Variants in ACTN4 observed in about 807,000 individuals in gnomAD.
ACTN4 encodes the protein alpha-actinin-4.
In ACTN4, 18 loss-of-function variants were observed where a neutral mutation model predicts 114.2. The ratio of observed to expected loss-of-function variants is 0.16; its 90% CI spans 0.11 to 0.23. The LOEUF is 0.23. Ranked by LOEUF, ACTN4 falls within the 10% of genes least tolerant of loss-of-function variation. The pLI is 1.00. For missense variants in ACTN4, 722 were observed against 1,262.9 expected (o/e 0.57, Z 6.49); for synonymous variants, 515 against 506.3 (o/e 1.02, Z -0.23).
At chr19:38,722,823 C>G (rs930533760) in intron 12 of ACTN4, among the ~76,000 whole-genome samples, 1 of 152,136 alleles carries the variant, frequency 6.6e-6, no homozygotes, top group Non-Finnish European at 1.5e-5. Context: ...CTGGGCAAAG[C>G]TATGTGAAAC....
intron 1 of ACTN4, among the ~76,000 whole-genome samples, chr19:38,651,160 C>CA (rs1412906328): frequency 1.3e-5 from 2 of 152,044 alleles, no homozygotes; most frequent in African/African-American, 2.4e-5. Context: ...ATGCATACTC[C>CA]AAAAAAATAT....
chr19:38,714,574 C>T lies in ACTN4; in HGVS notation c.912+13C>T, dbSNP rs768303048. ...GCTGGCCAGCGACGTGAGTGTTCCC[C>T]CAGTGAAAGTCAGGGCCACCTCATT... On this transcript the variant is annotated intron_variant, in intron 9 of 20. Transcript: ENST00000252699. The T allele has an allele frequency of 6.2e-7, 1 of 1,613,514 alleles. No homozygotes were observed. The highest frequency in any genetic ancestry group is 1.3e-5 in the African/African-American group (1 of 75,050).
At chr19:38,705,370 G>C (rs1454500766) in intron 4 of ACTN4, among the ~76,000 whole-genome samples, 1 of 152,202 alleles carries the variant, frequency 6.6e-6, no homozygotes, top group South Asian at 2.1e-4. Context: ...CTGGTTCTCT[G>C]TCTGCTTGAC....
At chr19:38,728,413 CCTCCTCCT>C in intron 19 of ACTN4, 1 of 592,020 alleles carries the variant, frequency 1.7e-6, no homozygotes. Context: ...GCCACCCGCT[CCTCCTCCT>C]CCTCCTCCTC....
intron 1 of ACTN4, among the ~76,000 whole-genome samples, chr19:38,649,784 G>C (rs1350349795): frequency 6.6e-6 from 1 of 152,172 alleles, no homozygotes; most frequent in Non-Finnish European, 1.5e-5. Context: ...GAGGGGAAAG[G>C]GTGGGAAGGG....
At chr19:38,728,908 T>C in intron 19 of ACTN4, 88 bp from the exon 20 acceptor site, 1 of 1,552,530 alleles carries the variant, frequency 6.4e-7, no homozygotes, top group South Asian at 1.1e-5. Context: ...CTCTCTCGGC[T>C]GTTTCCCTGG....
intron 5 of ACTN4, 32 bp from the exon 6 acceptor site, chr19:38,708,085 C>T: frequency 6.2e-7 from 1 of 1,609,468 alleles, no homozygotes; most frequent in Non-Finnish European, 8.5e-7. Context: ...AGTGAGCGGG[C>T]CCTCCTATAA....
rs1225460335 is a variant in ACTN4, at chr19:38,673,603, AT to A, written c.162+25697del. On this transcript the variant is annotated intron_variant, in intron 1 of 20. Coordinates refer to ENST00000252699, the MANE Select transcript of ACTN4 (RefSeq NM_004924.6). Reference sequence around the variant, plus strand: ...CATATATATTTATATATATTCATATATATTCATTTATATTTATATATATTCA... The same window carrying A: ...CATATATATTTATATATATTCATATAATTCATTTATATTTATATATATTCA... 1.6e-3 allele frequency among the ~76,000 whole-genome samples: 153 copies of A among 96,544 alleles called. 1 individual carries two copies. Among genetic ancestry groups the A allele is most frequent in the South Asian group, 8.0e-3 (27 of 3,358 alleles). 63.3% of individuals were successfully genotyped at this position (96,544 alleles called of 152,430 possible).
intron 11 of ACTN4, among the ~76,000 whole-genome samples, 192 bp from the exon 12 acceptor site, chr19:38,721,346 A>G (rs559966227): frequency 5.3e-5 from 8 of 152,348 alleles, no homozygotes; most frequent in Middle Eastern, 3.4e-3. Context: ...AGGTCCATCC[A>G]GGTTACAGTT....
At chr19:38,682,594 A>T (rs1197324988) in intron 1 of ACTN4, among the ~76,000 whole-genome samples, 1 of 152,050 alleles carries the variant, frequency 6.6e-6, no homozygotes, top group Non-Finnish European at 1.5e-5. Flanking sequence ...ACCCTCACCC[A>T]AGCCACCACC....
At chr19:38,667,639 G>C (rs1967002232) in intron 1 of ACTN4, among the ~76,000 whole-genome samples, 1 of 151,466 alleles carries the variant, frequency 6.6e-6, no homozygotes, top group African/African-American at 2.4e-5. Context: ...TAGGTGCACG[G>C]TGCCCCATTG....
intron 1 of ACTN4, among the ~76,000 whole-genome samples, chr19:38,671,751 T>A (rs551214010): frequency 6.6e-6 from 1 of 152,188 alleles, no homozygotes; most frequent in Non-Finnish European, 1.5e-5. Context: ...CCACAGTCCT[T>A]ATCAAACTTC....
intron 11 of ACTN4, among the ~76,000 whole-genome samples, chr19:38,718,748 A>G (rs1166555751): frequency 6.6e-6 from 1 of 152,076 alleles, no homozygotes; most frequent in Non-Finnish European, 1.5e-5. Context: ...TTCCCCATCC[A>G]GGGCGAGTGT....
chr19:38,707,302 C>A (rs1356635226), intron 5 of ACTN4, among the ~76,000 whole-genome samples: 1 of 151,974 alleles, frequency 6.6e-6, no homozygotes, highest in African/African-American at 2.4e-5. Flanking sequence ...TACAGTGGCA[C>A]CCAAACAAAG....
intron 1 of ACTN4, among the ~76,000 whole-genome samples, chr19:38,655,431 A>G (rs989108283): frequency 3.9e-5 from 6 of 152,196 alleles, no homozygotes; most frequent in African/African-American, 1.4e-4. Context: ...ATCAAAGGAA[A>G]TAACTTTCTC....
intron 1 of ACTN4, among the ~76,000 whole-genome samples, chr19:38,652,228 A>G (rs932109260): frequency 1.8e-4 from 27 of 152,256 alleles, no homozygotes; most frequent in African/African-American, 6.5e-4. Flanking sequence ...TGTTATCTAG[A>G]AAAAAGACTG....
chr19:38,673,477 A>ATATATT (rs1967206438), intron 1 of ACTN4, among the ~76,000 whole-genome samples: 1 of 57,112 alleles, frequency 1.8e-5, no homozygotes, highest in African/African-American at 4.5e-5. Flanking sequence ...ATATATATTT[A>ATATATT]TATATATATT....
chr19:38,682,775 C>T (rs1404011928), intron 1 of ACTN4, among the ~76,000 whole-genome samples: 4 of 152,180 alleles, frequency 2.6e-5, no homozygotes, highest in Non-Finnish European at 5.9e-5. Flanking sequence ...CTGCTCCAGC[C>T]ACACTCACCA....
At chr19:38,670,514 CCTGGGTGGGGA>C (rs1241507043) in intron 1 of ACTN4, among the ~76,000 whole-genome samples, 2 of 152,058 alleles carry the variant, frequency 1.3e-5, no homozygotes, top group Non-Finnish European at 2.9e-5. Flanking sequence ...AGGGAAGTAG[CCTGGGTGGGGA>C]CTGGGGTGGC....
Sources: gnomAD v4.1 joint callset for allele counts (sites outside exome capture counted in the v4.1 genomes callset) on GRCh38, gnomAD v4.1.1 for gene constraint, MANE v1.5 for transcripts, NCBI Gene and HGNC (gene_info 2026-07-23, HGNC 2026-07-21) for gene names.